The following EIF4G3 variants were observed in gnomAD, a reference collection of about 807,000 sequenced individuals.
EIF4G3 encodes eukaryotic translation initiation factor 4 gamma 3, also known as eIF-4-gamma 3.
EIF4G3 carries 34 observed loss-of-function variants against 186.4 expected under a neutral mutation model. The observed-to-expected ratio is 0.18, with a 90% confidence interval of 0.14 to 0.24. EIF4G3 has a LOEUF of 0.24. EIF4G3 is among the 10% of genes least tolerant of loss of function. The pLI, the probability that EIF4G3 is intolerant of heterozygous loss-of-function variation, is 1.00. For synonymous variants in EIF4G3, 673 were observed against 679.5 expected (o/e 0.99, Z 0.15); for missense variants, 1,536 against 1,948.5 (o/e 0.79, Z 3.99).
At chr1:20,933,985 C>A (rs2095431194) in intron 14 of EIF4G3, among the ~76,000 whole-genome samples, 1 of 152,178 alleles carries the variant, frequency 6.6e-6, no homozygotes, top group Non-Finnish European at 1.5e-5. Context: ...CAGGCATGAG[C>A]CACTACGCCC....
At chr1:21,026,768 G>A (rs1557596316) in intron 4 of EIF4G3, among the ~76,000 whole-genome samples, 1 of 151,866 alleles carries the variant, frequency 6.6e-6, no homozygotes, top group Non-Finnish European at 1.5e-5. Context: ...TGACCATCAT[G>A]GCAAAACCCT....
chr1:20,993,199 G>C (rs995058211), intron 7 of EIF4G3, among the ~76,000 whole-genome samples: 1 of 152,074 alleles, frequency 6.6e-6, no homozygotes, highest in African/African-American at 2.4e-5. Context: ...ATCCTAACTG[G>C]AGCATGGCGC....
At chr1:20,981,331 A>C (rs2077921732) in intron 8 of EIF4G3, 104 bp from the exon 9 acceptor site, 1 of 805,242 alleles carries the variant, frequency 1.2e-6, no homozygotes, top group African/African-American at 1.7e-5. Context: ...GGTCAACTTG[A>C]ATTACAAATA....
At chr1:21,004,632 T>A (rs1246869524) in intron 4 of EIF4G3, among the ~76,000 whole-genome samples, 1 of 152,188 alleles carries the variant, frequency 6.6e-6, no homozygotes, top group African/African-American at 2.4e-5. Flanking sequence ...AACCAAGGAC[T>A]GAAAAATTTA....
intron 14 of EIF4G3, among the ~76,000 whole-genome samples, chr1:20,919,349 C>G (rs1443845034): frequency 6.6e-6 from 1 of 152,120 alleles, no homozygotes; most frequent in Non-Finnish European, 1.5e-5. Flanking sequence ...GCTGGAAGTA[C>G]AGGTGCATGC....
intron 14 of EIF4G3, among the ~76,000 whole-genome samples, chr1:20,939,819 T>TACAGCC (rs1047039942): frequency 2.7e-5 from 4 of 150,368 alleles, no homozygotes; most frequent in Non-Finnish European, 5.9e-5. Flanking sequence ...GGCATTTACC[T>TACAGCC]ACAGCCACAC....
intron 23 of EIF4G3, among the ~76,000 whole-genome samples, chr1:20,861,181 T>A (rs1322402475): frequency 6.6e-6 from 1 of 152,224 alleles, no homozygotes; most frequent in Admixed American, 6.5e-5. Context: ...CTTAGCAAGA[T>A]AAAGAATCAT....
At chr1:21,130,408 T>A (rs915644313) in intron 2 of EIF4G3, among the ~76,000 whole-genome samples, 1 of 151,750 alleles carries the variant, frequency 6.6e-6, no homozygotes, top group Non-Finnish European at 1.5e-5. Context: ...TGTGTTTTTT[T>A]AGTTGAGATG....
At chr1:20,901,692 C>T (rs2090340538) in intron 15 of EIF4G3, among the ~76,000 whole-genome samples, 1 of 151,942 alleles carries the variant, frequency 6.6e-6, no homozygotes, top group African/African-American at 2.4e-5. Context: ...AGGTGTATTA[C>T]TATGAGGGGT....
At chr1:20,963,163 G>T (rs2073809468) in intron 12 of EIF4G3, among the ~76,000 whole-genome samples, 1 of 151,816 alleles carries the variant, frequency 6.6e-6, no homozygotes. Flanking sequence ...TAATAGATTT[G>T]TATATATTTT....
At chr1:20,930,971 G>C (rs1243202923) in intron 14 of EIF4G3, among the ~76,000 whole-genome samples, 4 of 151,722 alleles carry the variant, frequency 2.6e-5, no homozygotes, top group Non-Finnish European at 5.9e-5. Flanking sequence ...CTCTTGAGTA[G>C]CTGGGACTAC....
chr1:21,004,765 G>A (rs2084563488), intron 4 of EIF4G3, among the ~76,000 whole-genome samples: 2 of 151,800 alleles, frequency 1.3e-5, no homozygotes, highest in Admixed American at 6.6e-5. Context: ...TTCATCATAC[G>A]TTCCAAATAA....
At chr1:21,023,238 TCCCCTCCC>T (rs2091204493) in intron 4 of EIF4G3, among the ~76,000 whole-genome samples, 1 of 22,770 alleles carries the variant, frequency 4.4e-5, no homozygotes, top group Non-Finnish European at 8.3e-5. Flanking sequence ...TCCCTCCCCC[TCCCCTCCC>T]CCTCCCCCCC....
At chr1:20,970,939 G>C (rs1440813147) in intron 11 of EIF4G3, among the ~76,000 whole-genome samples, 1 of 152,210 alleles carries the variant, frequency 6.6e-6, no homozygotes, top group Non-Finnish European at 1.5e-5. Context: ...ACTCCAGCCT[G>C]GGGGAAAAGA....
rs193165284 is a variant in EIF4G3, at chr1:21,097,941, A to T, written c.-271-8728T>A. ...AACACATCAAAAGCATGATGTATTT[A>T]AAAAAAAAAATTGATATGACCAGGC... On this transcript the variant is annotated intron_variant, in intron 2 of 36. Coordinates refer to ENST00000602326, the MANE Select transcript of EIF4G3 (RefSeq NM_001391906.1). Among the ~76,000 whole-genome samples, 478 of 147,358 alleles carry T rather than the reference A, an allele frequency of 3.2e-3. 2 individuals are homozygous for T. The highest frequency in any genetic ancestry group is 0.012 in the African/African-American group (459 of 39,078).
intron 2 of EIF4G3, among the ~76,000 whole-genome samples, chr1:21,140,867 A>G (rs944696796): frequency 5.3e-5 from 8 of 152,214 alleles, no homozygotes; most frequent in Admixed American, 5.2e-4. Flanking sequence ...ACTTGTTACC[A>G]GTTACTAAAA....
At chr1:20,943,983 T>TGA in intron 13 of EIF4G3, among the ~76,000 whole-genome samples, 1 of 93,528 alleles carries the variant, frequency 1.1e-5, no homozygotes, top group Non-Finnish European at 2.5e-5. Context: ...TTTGTGTGTG[T>TGA]GTGTGTGTGT....
chr1:20,908,655 T>G (rs923158594), intron 14 of EIF4G3, among the ~76,000 whole-genome samples: 4 of 152,206 alleles, frequency 2.6e-5, no homozygotes, highest in African/African-American at 9.6e-5. Context: ...GTTTTTCATT[T>G]ACTTTTTATG....
At chr1:21,075,570 CAAAAAAAAAAAA>C (rs55649192) in intron 3 of EIF4G3, among the ~76,000 whole-genome samples, 35 of 51,560 alleles carry the variant, frequency 6.8e-4, no homozygotes, top group African/African-American at 1.7e-3. Flanking sequence ...CTCCAACTCA[CAAAAAAAAAAAA>C]AAAAAAAAAA....
Sources: allele counts gnomAD v4.1 joint callset (sites outside exome capture counted in the v4.1 genomes callset), GRCh38; gene constraint gnomAD v4.1.1; transcripts MANE v1.5; gene names NCBI Gene and HGNC (gene_info 2026-07-23, HGNC 2026-07-21).